The following IKBIP variants were observed in gnomAD, a reference collection of about 807,000 sequenced individuals.
IKBIP encodes IKBKB interacting protein, also known as inhibitor of nuclear factor kappa-B kinase-interacting protein.
IKBIP carries 28 observed loss-of-function variants against 31.0 expected under a neutral mutation model. The ratio of observed to expected loss-of-function variants is 0.90; its 90% confidence interval spans 0.67 to 1.24. IKBIP has a LOEUF of 1.24. Ranked by LOEUF, IKBIP falls within the 50% of genes most tolerant of loss-of-function variation. The pLI, the probability that IKBIP is intolerant of heterozygous loss-of-function variation, is 0.00. For missense variants in IKBIP, 453 were observed against 441.9 expected (o/e 1.03, Z -0.23); for synonymous variants, 164 against 160.3 (o/e 1.02, Z -0.17).
At chr12:98,614,873 C>G (rs2097605420) in intron 2 of IKBIP, among the ~76,000 whole-genome samples, 1 of 152,084 alleles carries the variant, frequency 6.6e-6, no homozygotes, top group African/African-American at 2.4e-5. Context: ...CATGAAATGT[C>G]CCTGGAAATT....
At chr12:98,635,023 T>A (rs75612912) in intron 1 of IKBIP, among the ~76,000 whole-genome samples, 1 of 145,638 alleles carries the variant, frequency 6.9e-6, no homozygotes, top group Non-Finnish European at 1.5e-5. Flanking sequence ...TTTTTTTTTT[T>A]AGATGGAGTT....
Position 98,613,999 on chromosome 12 carries a change from AT to A in IKBIP, c.638del (p.Asn213IlefsTer2). On this transcript the variant is annotated frameshift_variant, in exon 3 of 3. Transcript: ENST00000342502. LOFTEE classifies it high-confidence loss of function. Reference sequence around the variant, plus strand: ...TACTGCTTGAAAGAAGATCACCTATATTTTTTACTGTATTTTTTTCTACTTT... The same window carrying A: ...TACTGCTTGAAAGAAGATCACCTATATTTTTACTGTATTTTTTTCTACTTT... 4 of 1,610,284 alleles carry A rather than the reference AT, an allele frequency of 2.5e-6. No individual in the cohort carries two copies. The highest frequency in any genetic ancestry group is 3.4e-6 in the Non-Finnish European group (4 of 1,178,478).
chr12:98,619,450 C>T (rs1229474020), downstream of IKBIP, among the ~76,000 whole-genome samples: 1 of 152,168 alleles, frequency 6.6e-6, no homozygotes, highest in Non-Finnish European at 1.5e-5. Flanking sequence ...TTTATAATAG[C>T]AATGTATCAT....
rs1276609071 is a variant in IKBIP at position 98,625,366 on chromosome 12, C to G, written c.*564G>C. 1.2e-6 allele frequency: 1 copy of G among 841,206 alleles called. No homozygotes were observed. Among genetic ancestry groups the G allele is most frequent in the Non-Finnish European group, 1.4e-6 (1 of 698,534 alleles). The allele number at this position is 841,206 out of a possible 1,614,324, so 52.1% of individuals were successfully genotyped here. A position where few individuals can be genotyped will look rare whatever the true frequency, so the allele number is the denominator to read the frequency against. ...TGCATATTAATTCATAGCAAAGGCA[C>G]CAGGCTCTCCCTCAGGCATGTTATC... is the stretch of plus-strand genomic sequence containing the variant. On this transcript the variant is annotated 3_prime_UTR_variant, in exon 3 of 3. Transcript: ENST00000299157.
At chr12:98,638,015 G>C (rs1030168889) in intron 1 of IKBIP, among the ~76,000 whole-genome samples, 1 of 152,200 alleles carries the variant, frequency 6.6e-6, no homozygotes, top group African/African-American at 2.4e-5. Flanking sequence ...CCATTTAGAT[G>C]AGAGTGAAAA....
chr12:98,627,282 A>T (rs938539374), intron 2 of IKBIP, among the ~76,000 whole-genome samples: 1 of 150,798 alleles, frequency 6.6e-6, no homozygotes, highest in African/African-American at 2.4e-5. Context: ...ACTATGTTAA[A>T]AAAAAAAAAA....
chr12:98,628,069 T>C (rs1196601784), intron 2 of IKBIP, among the ~76,000 whole-genome samples: 1 of 152,256 alleles, frequency 6.6e-6, no homozygotes, highest in Admixed American at 6.5e-5. Flanking sequence ...ATAACAGCTT[T>C]AGAGACTACA....
In IKBIP at chr12:98,626,748, T is replaced by C. The variant is rs377651272; in HGVS notation, c.316A>G (p.Ile106Val). The change falls in exon 3 of 3, where the codon ATC becomes GTC. Residue 106 changes from isoleucine (I) to valine (V), a missense_variant. Physicochemically the swap from Ile to Val is conservative, Grantham distance 29 (BLOSUM62 3). Transcript: ENST00000299157. ...ISEKLESTES[I>V]LQEATSSMSL... ...ATGGATGATGTAGCTTCCTGCAGGA[T>C]GCTTTCAGTAGACTCAAGCTGCATT... 6.2e-6 allele frequency: 10 copies of C among 1,604,376 alleles called. No homozygotes were observed. Among genetic ancestry groups the C allele is most frequent in the Non-Finnish European group, 7.7e-6 (9 of 1,174,368 alleles).
Position 98,626,211 on chromosome 12 carries a change from T to C in IKBIP, c.853A>G (p.Arg285Gly). ...TIESAIHSVL[R>G]VSQDLIETEK... ...GTTTCTATCAGATCCTGAGAGACTC[T>C]GAGAACAGAGTGAATAGCACTTTCA... Residue 285 changes from arginine to glycine, a missense_variant, in exon 3 of 3, where the codon AGA becomes GGA. By Grantham distance (125) the Arg-to-Gly change is moderately radical. Coordinates refer to ENST00000299157, the MANE Select transcript of IKBIP (RefSeq NM_153687.4). 1 of 1,614,110 alleles carries C rather than the reference T, an allele frequency of 6.2e-7. No individual in the cohort carries two copies.
At chr12:98,633,548 G>T (rs1234008971) in intron 2 of IKBIP, among the ~76,000 whole-genome samples, 2 of 108,144 alleles carry the variant, frequency 1.8e-5, no homozygotes, top group African/African-American at 7.3e-5. Context: ...ACGGATCCTC[G>T]CTCTATAGCC....
chr12:98,638,306 A>G (rs916231399), intron 1 of IKBIP, among the ~76,000 whole-genome samples: 3 of 151,906 alleles, frequency 2.0e-5, no homozygotes, highest in Non-Finnish European at 4.4e-5. Flanking sequence ...TTATTTTTTA[A>G]AGACAAGATC....
At chr12:98,621,905 A>T (rs1002394564), downstream of IKBIP, among the ~76,000 whole-genome samples, 1 of 151,904 alleles carries the variant, frequency 6.6e-6, no homozygotes, top group African/African-American at 2.4e-5. Flanking sequence ...GAGAAACCTC[A>T]TCTCTACTAA....
chr12:98,643,136 A>G (rs2097632103), intron 1 of IKBIP, among the ~76,000 whole-genome samples: 1 of 151,748 alleles, frequency 6.6e-6, no homozygotes, highest in African/African-American at 2.4e-5. Flanking sequence ...TATTTTTTGT[A>G]GAGACAGGGT....
At chr12:98,628,827 A>G (rs2097617232) in intron 2 of IKBIP, among the ~76,000 whole-genome samples, 1 of 152,210 alleles carries the variant, frequency 6.6e-6, no homozygotes, top group Non-Finnish European at 1.5e-5. Context: ...TACTAGGGAA[A>G]TGGAGATAAA....
chr12:98,631,370 T>G (rs1158047969), intron 2 of IKBIP, among the ~76,000 whole-genome samples: 3 of 151,634 alleles, frequency 2.0e-5, no homozygotes, highest in Non-Finnish European at 4.4e-5. Flanking sequence ...GACCTCTGCC[T>G]CCCCGGTTTA....
chr12:98,632,620 A>AC (rs1555211618), intron 2 of IKBIP, among the ~76,000 whole-genome samples: 29 of 90,850 alleles, frequency 3.2e-4, no homozygotes, highest in African/African-American at 1.1e-3. Context: ...CCAGATTCCA[A>AC]TTTTTTTTTT....
chr12:98,624,304 G>C lies in IKBIP; in HGVS notation c.*1626C>G. ...TATAAAAGTAAACAAATAGAATTTT[G>C]TCAGTGCACGCAAATAAGAGACATT... On this transcript the variant is annotated 3_prime_UTR_variant, in exon 3 of 3. Transcript: ENST00000299157. 13 of 971,830 alleles carry C rather than the reference G, an allele frequency of 1.3e-5. No homozygotes were observed. The highest frequency in any genetic ancestry group is 1.6e-5 in the Non-Finnish European group (13 of 817,654). 60.2% of individuals were successfully genotyped at this position (971,830 alleles called of 1,614,324 possible). A position where few individuals can be genotyped will look rare whatever the true frequency, so the allele number is the denominator to read the frequency against.
In IKBIP at chr12:98,625,652, T is replaced by C. The variant is rs7962649; in HGVS notation, c.*278A>G. On this transcript the variant is annotated 3_prime_UTR_variant, in exon 3 of 3. Transcript: ENST00000299157. ...TAATAGGTGAAATTAATGATGATGT[T>C]CATTAATGCTTTAAAAAACATTAAA... 0.86 allele frequency: 161,021 copies of C among 186,926 alleles called. 69,663 individuals carry two copies. The highest frequency in any genetic ancestry group is 0.94 in the African/African-American group (40,768 of 43,162). 11.6% of individuals were successfully genotyped at this position (186,926 alleles called of 1,614,324 possible).
At chr12:98,634,076 C>T (rs1354999551) in intron 2 of IKBIP, among the ~76,000 whole-genome samples, 2 of 152,008 alleles carry the variant, frequency 1.3e-5, no homozygotes, top group African/African-American at 4.8e-5. Context: ...TGGTCTTTTT[C>T]AATACTAGAA....
Sources: gnomAD v4.1 joint callset for allele counts (sites outside exome capture counted in the v4.1 genomes callset) on GRCh38, gnomAD v4.1.1 for gene constraint, MANE v1.5 for transcripts, NCBI Gene and HGNC (gene_info 2026-07-23, HGNC 2026-07-21) for gene names.